TBC1D22A: variants seen among roughly 807,000 people sequenced by gnomAD.
TBC1D22A encodes TBC1 domain family member 22A.
In TBC1D22A, 38 loss-of-function variants were observed where a neutral mutation model predicts 60.2. The observed-to-expected ratio is 0.63, with a 90% CI of 0.49 to 0.83. The LOEUF (loss-of-function observed/expected upper bound fraction) is 0.83. Among genes scored for constraint, TBC1D22A ranks in the 40% least tolerant of loss-of-function variants. TBC1D22A has a pLI of 0.00. For missense variants in TBC1D22A, 628 were observed against 701.0 expected, an observed-to-expected ratio of 0.90 and a Z score of 1.18; for synonymous variants, 302 against 281.7, an observed-to-expected ratio of 1.07 and a Z score of -0.72.
At chr22:46,907,066 CAT>C (rs781445562) in intron 7 of TBC1D22A, among the ~76,000 whole-genome samples, 5 of 141,346 alleles carry the variant, frequency 3.5e-5, no homozygotes, top group Non-Finnish European at 6.0e-5. Flanking sequence ...CTCTTCTCCA[CAT>C]GTGTGCTCTT....
At chr22:47,039,305 G>T (rs896361460) in intron 11 of TBC1D22A, among the ~76,000 whole-genome samples, 10 of 152,130 alleles carry the variant, frequency 6.6e-5, no homozygotes, top group Admixed American at 1.3e-4. Flanking sequence ...TTAAGAATCG[G>T]GGGTATTTCT....
At chr22:47,029,534 C>T (rs140549) in intron 10 of TBC1D22A, among the ~76,000 whole-genome samples, 1 of 152,118 alleles carries the variant, frequency 6.6e-6, no homozygotes, top group African/African-American at 2.4e-5. Context: ...TCACCTGACT[C>T]TACAACCTGA....
intron 5 of TBC1D22A, among the ~76,000 whole-genome samples, chr22:46,884,024 C>T (rs1182995746): frequency 6.6e-6 from 1 of 152,212 alleles, no homozygotes; most frequent in African/African-American, 2.4e-5. Context: ...CACTCTTGCA[C>T]TCAGCGAGGA....
At chr22:47,090,772 G>A (rs1227074830) in intron 11 of TBC1D22A, among the ~76,000 whole-genome samples, 2 of 149,074 alleles carry the variant, frequency 1.3e-5, no homozygotes, top group Non-Finnish European at 3.0e-5. Context: ...AGACGGGCAC[G>A]AGAAATCGTC....
intron 11 of TBC1D22A, among the ~76,000 whole-genome samples, chr22:47,046,406 A>G (rs1232950703): frequency 1.3e-5 from 2 of 152,180 alleles, no homozygotes; most frequent in Non-Finnish European, 2.9e-5. Context: ...TTTGGGCCCC[A>G]GAGTCCCTGA....
At chr22:46,806,968 G>T (rs1163619591) in intron 4 of TBC1D22A, among the ~76,000 whole-genome samples, 1 of 152,232 alleles carries the variant, frequency 6.6e-6, no homozygotes, top group Non-Finnish European at 1.5e-5. Flanking sequence ...ATAGGGCTTT[G>T]CTCCTCCCCA....
intron 11 of TBC1D22A, among the ~76,000 whole-genome samples, chr22:47,052,498 A>C (rs1299369197): frequency 1.3e-5 from 2 of 152,136 alleles, no homozygotes; most frequent in African/African-American, 4.8e-5. Context: ...AGCATTGTGT[A>C]CAGAGAGAGG....
intron 1 of TBC1D22A, chr22:46,774,287 C>A: frequency 1.0e-6 from 1 of 983,808 alleles, no homozygotes; most frequent in Non-Finnish European, 1.2e-6. Context: ...AGACAAGAGG[C>A]AGAGGTATCA....
At chr22:47,059,442 C>T (rs994603568) in intron 11 of TBC1D22A, among the ~76,000 whole-genome samples, 16 of 152,236 alleles carry the variant, frequency 1.1e-4, no homozygotes, top group African/African-American at 2.9e-4. Flanking sequence ...CTTCTTTCCA[C>T]GGGAGTCATT....
At chr22:46,913,525 CTAA>C in intron 8 of TBC1D22A, 1 of 1,263,994 alleles carries the variant, frequency 7.9e-7, no homozygotes, top group Non-Finnish European at 1.0e-6. Context: ...TGCTAAGCAA[CTAA>C]TGAGAGCTGC....
At chr22:47,095,397 A>G (rs1569441346) in intron 11 of TBC1D22A, among the ~76,000 whole-genome samples, 1 of 152,260 alleles carries the variant, frequency 6.6e-6, no homozygotes, top group African/African-American at 2.4e-5. Flanking sequence ...AAGGTGAAAT[A>G]TTGTTCCTTT....
intron 8 of TBC1D22A, among the ~76,000 whole-genome samples, chr22:46,935,113 G>A (rs1213321809): frequency 2.0e-5 from 3 of 152,106 alleles, no homozygotes; most frequent in African/African-American, 7.2e-5. Context: ...GCTGGTCACT[G>A]ATATGACTCC....
Position 46,792,947 on chromosome 22 carries a change from C to T in TBC1D22A, c.119+371C>T. The T allele has an allele frequency of 2.5e-6, 3 of 1,182,258 alleles. No individual in the cohort carries two copies. The African/African-American group carries it at 4.6e-5, about 18-fold the overall frequency. 73.2% of individuals were successfully genotyped at this position (1,182,258 alleles called of 1,614,324 possible). On this transcript the variant is annotated intron_variant, in intron 2 of 12. Coordinates refer to ENST00000337137, the MANE Select transcript of TBC1D22A (RefSeq NM_014346.5). ...TGCTGGAGCCCGGCCCTGGCCTGTCCTGGCCCCTCCACAGCAGGCGGGAGC... is the reference window on the plus strand; with the variant it reads ...TGCTGGAGCCCGGCCCTGGCCTGTCTTGGCCCCTCCACAGCAGGCGGGAGC...
At chr22:47,043,317 G>A (rs1479670814) in intron 11 of TBC1D22A, among the ~76,000 whole-genome samples, 1 of 152,186 alleles carries the variant, frequency 6.6e-6, no homozygotes, top group Non-Finnish European at 1.5e-5. Flanking sequence ...AGCAGGCGAA[G>A]GGTGTGGGGA....
At chr22:47,090,344 G>A (rs925104058) in intron 11 of TBC1D22A, among the ~76,000 whole-genome samples, 1 of 144,590 alleles carries the variant, frequency 6.9e-6, no homozygotes, top group Non-Finnish European at 1.5e-5. Context: ...TCAGACAGAC[G>A]GGGCGTCTTG....
chr22:46,907,268 C>G (rs1321375592), intron 7 of TBC1D22A, among the ~76,000 whole-genome samples: 5 of 152,224 alleles, frequency 3.3e-5, no homozygotes, highest in African/African-American at 1.2e-4. Flanking sequence ...CTCCCTTCAC[C>G]AAGTGCTTCT....
chr22:47,146,906 G>A (rs1601668802), intron 12 of TBC1D22A, among the ~76,000 whole-genome samples: 1 of 152,222 alleles, frequency 6.6e-6, no homozygotes, highest in South Asian at 2.1e-4. Context: ...CACCCTTTTG[G>A]ATGACACACA....
chr22:47,032,529 A>G (rs2062511470), intron 10 of TBC1D22A, among the ~76,000 whole-genome samples: 1 of 152,174 alleles, frequency 6.6e-6, no homozygotes, highest in Non-Finnish European at 1.5e-5. Context: ...CAAAGGGAAG[A>G]ACACCCAGGC....
At chr22:46,868,950 G>T (rs1039432001) in intron 4 of TBC1D22A, among the ~76,000 whole-genome samples, 1 of 151,760 alleles carries the variant, frequency 6.6e-6, no homozygotes, top group Non-Finnish European at 1.5e-5. Flanking sequence ...GGTGGGGGGT[G>T]CCCCTGTGTT....
Sources: allele counts gnomAD v4.1 joint callset (sites outside exome capture counted in the v4.1 genomes callset), GRCh38; gene constraint gnomAD v4.1.1; transcripts MANE v1.5; gene names NCBI Gene and HGNC (gene_info 2026-07-23, HGNC 2026-07-21).